Variants in BACH2 observed in about 807,000 individuals in gnomAD.
The protein encoded by BACH2 is transcription regulator protein BACH2.
Under a neutral mutation model 61.8 loss-of-function variants are expected in BACH2, and 5 were observed. The observed-to-expected ratio is 0.08, with a 90% confidence interval of 0.04 to 0.17. BACH2 has a LOEUF of 0.17. BACH2 is among the 10% of genes least tolerant of loss of function. BACH2 has a pLI of 1.00. For missense variants in BACH2, 824 were observed against 1,091.1 expected, an observed-to-expected ratio of 0.76 and a Z score of 3.45; for synonymous variants, 446 against 440.1, an observed-to-expected ratio of 1.01 and a Z score of -0.17.
At chr6:90,052,681 A>G (rs1222738613) in intron 5 of BACH2, among the ~76,000 whole-genome samples, 1 of 152,212 alleles carries the variant, frequency 6.6e-6, no homozygotes, top group South Asian at 2.1e-4. Context: ...TCAGTCTCCC[A>G]AAGTGCTGGG....
At chr6:90,138,320 T>C (rs1466069837) in intron 4 of BACH2, among the ~76,000 whole-genome samples, 5 of 152,058 alleles carry the variant, frequency 3.3e-5, no homozygotes, top group Admixed American at 6.5e-5. Flanking sequence ...CTGGCCAACA[T>C]GGTGAAGCCC....
At chr6:90,240,120 T>C (rs1163663482) in intron 3 of BACH2, among the ~76,000 whole-genome samples, 1 of 152,162 alleles carries the variant, frequency 6.6e-6, no homozygotes, top group Admixed American at 6.5e-5. Context: ...AACAGGTATA[T>C]CCTAATCTTT....
intron 5 of BACH2, among the ~76,000 whole-genome samples, chr6:90,052,925 T>C (rs537032199): frequency 6.6e-6 from 1 of 152,240 alleles, no homozygotes; most frequent in Non-Finnish European, 1.5e-5. Context: ...TGCTGATATA[T>C]CTGCATTTGT....
intron 4 of BACH2, among the ~76,000 whole-genome samples, chr6:90,190,223 G>T (rs375105757): frequency 6.6e-6 from 1 of 152,188 alleles, no homozygotes; most frequent in African/African-American, 2.4e-5. Context: ...GATTATAGGC[G>T]TGAGCCACCG....
At chr6:90,085,445 G>C (rs1251376170) in intron 5 of BACH2, among the ~76,000 whole-genome samples, 2 of 152,194 alleles carry the variant, frequency 1.3e-5, no homozygotes, top group Non-Finnish European at 2.9e-5. Context: ...CCCATCTGGA[G>C]GAACTGGAGC....
rs985764230 is a variant in BACH2 at position 89,952,044 on chromosome 6, G to A, written c.244-182C>T. The stretch of plus-strand genomic sequence containing the variant: ...GCTTCCAATAATTAGTGCCTGTCTC[G>A]TGCATGCCACTGTTGTACTCCATCA... On this transcript the variant is annotated intron_variant, in intron 6 of 8. Coordinates refer to ENST00000257749, the MANE Select transcript of BACH2 (RefSeq NM_021813.4). 4.6e-5 allele frequency: 32 copies of A among 692,444 alleles called. 1 individual carries two copies. The highest frequency in any genetic ancestry group is 4.1e-4 in the Middle Eastern group (1 of 2,446). The allele number at this position is 692,444 out of a possible 1,614,324, so 42.9% of individuals were successfully genotyped here. A position where few individuals can be genotyped will look rare whatever the true frequency, so the allele number is the denominator to read the frequency against.
At chr6:90,061,664 GA>G (rs1199884205) in intron 5 of BACH2, among the ~76,000 whole-genome samples, 1 of 151,958 alleles carries the variant, frequency 6.6e-6, no homozygotes, top group Non-Finnish European at 1.5e-5. Context: ...CACCAATTCA[GA>G]AACTAACAGA....
intron 5 of BACH2, among the ~76,000 whole-genome samples, chr6:90,074,141 G>T (rs1781369371): frequency 6.6e-6 from 1 of 152,084 alleles, no homozygotes; most frequent in Non-Finnish European, 1.5e-5. Context: ...TTTTAAAAGG[G>T]TAGTTTATAA....
At chr6:90,141,644 T>C (rs1467973777) in intron 4 of BACH2, among the ~76,000 whole-genome samples, 1 of 152,068 alleles carries the variant, frequency 6.6e-6, no homozygotes, top group Non-Finnish European at 1.5e-5. Flanking sequence ...CTAACTTGAG[T>C]ATATAAACTC....
At chr6:89,962,986 A>T (rs948371593) in intron 6 of BACH2, among the ~76,000 whole-genome samples, 1 of 152,210 alleles carries the variant, frequency 6.6e-6, no homozygotes, top group Non-Finnish European at 1.5e-5. Context: ...GTTGATATAT[A>T]AAGAACCCCT....
At chr6:90,075,167 C>T (rs1458560238) in intron 5 of BACH2, among the ~76,000 whole-genome samples, 2 of 152,106 alleles carry the variant, frequency 1.3e-5, no homozygotes, top group African/African-American at 4.8e-5. Flanking sequence ...AGATATAAGG[C>T]ACATACTACC....
At chr6:90,243,043 CTAAT>C (rs1453321681) in intron 3 of BACH2, among the ~76,000 whole-genome samples, 75 of 137,276 alleles carry the variant, frequency 5.5e-4, no homozygotes, top group Non-Finnish European at 9.6e-4. Flanking sequence ...CCATGCCCGG[CTAAT>C]TTTTTTTTTT....
intron 4 of BACH2, among the ~76,000 whole-genome samples, chr6:90,145,167 G>A (rs1784576565): frequency 6.6e-6 from 1 of 152,116 alleles, no homozygotes; most frequent in Non-Finnish European, 1.5e-5. Flanking sequence ...CTGACACATA[G>A]TGGGTCCTCT....
intron 6 of BACH2, among the ~76,000 whole-genome samples, chr6:90,007,440 T>C (rs553423552): frequency 6.6e-6 from 1 of 152,240 alleles, no homozygotes; most frequent in Admixed American, 6.5e-5. Context: ...TAGCTGGGGC[T>C]ACAGGTGCAC....
intron 1 of BACH2, among the ~76,000 whole-genome samples, chr6:90,286,694 T>C (rs1184085295): frequency 6.6e-6 from 1 of 152,130 alleles, no homozygotes; most frequent in Admixed American, 6.5e-5. Context: ...TTAGGGTCAT[T>C]CTGGTTCTCT....
intron 4 of BACH2, among the ~76,000 whole-genome samples, chr6:90,187,144 A>C (rs1768387750): frequency 6.6e-6 from 1 of 152,240 alleles, no homozygotes; most frequent in Non-Finnish European, 1.5e-5. Flanking sequence ...CAAGTGTCTT[A>C]TTGAGAACAC....
intron 6 of BACH2, among the ~76,000 whole-genome samples, chr6:89,973,327 G>A (rs1436281211): frequency 6.6e-6 from 1 of 152,188 alleles, no homozygotes; most frequent in Non-Finnish European, 1.5e-5. Flanking sequence ...GCTGCATACA[G>A]CCATGGTCAG....
intron 4 of BACH2, among the ~76,000 whole-genome samples, chr6:90,123,216 A>G (rs908833940): frequency 2.0e-5 from 3 of 152,166 alleles, no homozygotes; most frequent in African/African-American, 4.8e-5. Context: ...AGAGAAGAGA[A>G]GAAGACAGAA....
At chr6:90,128,365 G>A (rs1218339171) in intron 4 of BACH2, among the ~76,000 whole-genome samples, 4 of 152,028 alleles carry the variant, frequency 2.6e-5, no homozygotes, top group African/African-American at 4.8e-5. Flanking sequence ...GGTGGATCAC[G>A]AGGTAAAGAG....
Sources: gnomAD v4.1 joint callset for allele counts (sites outside exome capture counted in the v4.1 genomes callset) on GRCh38, gnomAD v4.1.1 for gene constraint, MANE v1.5 for transcripts, NCBI Gene and HGNC (gene_info 2026-07-23, HGNC 2026-07-21) for gene names.